The following MEI4 variants were observed in gnomAD, a reference collection of about 807,000 sequenced individuals.
MEI4 encodes the protein meiosis-specific protein MEI4.
Under a neutral mutation model 31.4 loss-of-function variants are expected in MEI4, and 27 were observed. The observed-to-expected ratio is 0.86, with a 90% CI of 0.63 to 1.19. The LOEUF (loss-of-function observed/expected upper bound fraction) is 1.19. Among genes scored for constraint, MEI4 ranks in the 50% most tolerant of loss-of-function variants. MEI4 has a pLI of 0.00. For missense variants in MEI4, 329 were observed against 398.9 expected (o/e 0.82, Z 1.49); for synonymous variants, 122 against 145.4 (o/e 0.84, Z 1.16).
intron 1 of MEI4, among the ~76,000 whole-genome samples, chr6:77,670,585 G>C (rs1017602862): frequency 6.6e-6 from 1 of 152,142 alleles, no homozygotes; most frequent in Non-Finnish European, 1.5e-5. Flanking sequence ...GGAAAGTGCT[G>C]TATGTATCAC....
At chr6:77,917,843 A>G (rs1766599687) in intron 4 of MEI4, among the ~76,000 whole-genome samples, 1 of 148,208 alleles carries the variant, frequency 6.7e-6, no homozygotes, top group African/African-American at 2.5e-5. Context: ...GTCGTTGCCC[A>G]TGCCTATGTC....
intron 4 of MEI4, among the ~76,000 whole-genome samples, chr6:77,838,656 C>G (rs950404750): frequency 1.8e-4 from 27 of 152,114 alleles, no homozygotes; most frequent in Admixed American, 1.4e-3. Flanking sequence ...AATCCCAGCA[C>G]TTTGGGAGGG....
chr6:77,803,420 T>C (rs1769331186), intron 3 of MEI4, among the ~76,000 whole-genome samples: 1 of 152,188 alleles, frequency 6.6e-6, no homozygotes, highest in South Asian at 2.1e-4. Flanking sequence ...GGTTTGAACT[T>C]CCTCCTTTAG....
At chr6:77,915,920 G>A (rs1032808465) in intron 4 of MEI4, among the ~76,000 whole-genome samples, 9 of 151,796 alleles carry the variant, frequency 5.9e-5, no homozygotes, top group Admixed American at 5.3e-4. Flanking sequence ...CTTTATCATG[G>A]TGCCAATGTC....
rs148471843 is a variant in MEI4, at chr6:77,735,003, C to A, written c.233-26127C>A. On this transcript the variant is annotated intron_variant, in intron 2 of 4. Coordinates refer to ENST00000684080, the MANE Select transcript of MEI4 (RefSeq NM_001322247.2). ...CTTGTAGGGTTTCTGCCGAGAGATC[C>A]GCTGTTAGTCTGATGGGCTTCCCCT... Among the ~76,000 whole-genome samples the A allele has an allele frequency of 3.8e-3, 577 of 151,948 alleles. 7 individuals are homozygous for A. The highest frequency in any genetic ancestry group is 0.013 in the African/African-American group (556 of 41,320).
intron 2 of MEI4, among the ~76,000 whole-genome samples, chr6:77,752,068 A>G (rs1424454703): frequency 6.6e-6 from 1 of 152,198 alleles, no homozygotes; most frequent in Non-Finnish European, 1.5e-5. Context: ...AAAATTCAAC[A>G]GCCTTCATGC....
At chr6:77,833,796 C>T (rs777329998) in intron 4 of MEI4, among the ~76,000 whole-genome samples, 12 of 152,258 alleles carry the variant, frequency 7.9e-5, no homozygotes, top group Admixed American at 2.0e-4. Flanking sequence ...TCCCCGCACC[C>T]GCCAACAGGC....
chr6:77,732,658 C>T (rs997698737), intron 2 of MEI4, among the ~76,000 whole-genome samples: 42 of 151,972 alleles, frequency 2.8e-4, no homozygotes, highest in Non-Finnish European at 3.2e-4. Flanking sequence ...AGACTTCCAA[C>T]ACTATGTTGA....
chr6:77,763,898 C>G (rs886618042), intron 3 of MEI4, among the ~76,000 whole-genome samples: 1 of 152,086 alleles, frequency 6.6e-6, no homozygotes, highest in African/African-American at 2.4e-5. Context: ...ACTGCAACCT[C>G]CACTTCCTGG....
intron 2 of MEI4, among the ~76,000 whole-genome samples, chr6:77,749,475 CA>C (rs1267979250): frequency 6.6e-6 from 1 of 151,818 alleles, no homozygotes; most frequent in Admixed American, 6.6e-5. Context: ...GAAGCCTACA[CA>C]AGTATCAATA....
intron 3 of MEI4, among the ~76,000 whole-genome samples, chr6:77,802,353 C>G (rs1248097373): frequency 1.3e-5 from 2 of 152,064 alleles, no homozygotes; most frequent in Non-Finnish European, 2.9e-5. Context: ...TTATTTTGAG[C>G]CTATGTGTGT....
At chr6:77,653,026 C>G (rs1768326921), upstream of MEI4, among the ~76,000 whole-genome samples, 1 of 152,114 alleles carries the variant, frequency 6.6e-6, no homozygotes, top group African/African-American at 2.4e-5. Flanking sequence ...ACCAAGTCAG[C>G]CCTCCCACCC....
At chr6:77,889,040 A>G (rs999723434) in intron 4 of MEI4, among the ~76,000 whole-genome samples, 3 of 152,196 alleles carry the variant, frequency 2.0e-5, no homozygotes, top group African/African-American at 7.2e-5. Context: ...CTGTGAGTCA[A>G]TTAAACTTCT....
chr6:77,714,151 T>C (rs1239525996), intron 2 of MEI4, among the ~76,000 whole-genome samples: 5 of 152,076 alleles, frequency 3.3e-5, no homozygotes, highest in Non-Finnish European at 5.9e-5. Context: ...GGCATTTAGA[T>C]TGATTCTATG....
At chr6:77,769,381 G>A (rs1468366386) in intron 3 of MEI4, among the ~76,000 whole-genome samples, 1 of 152,074 alleles carries the variant, frequency 6.6e-6, no homozygotes, top group Non-Finnish European at 1.5e-5. Context: ...TGCCACCATG[G>A]GCTAAAGTGT....
At chr6:77,813,079 A>G (rs1769611911) in intron 3 of MEI4, among the ~76,000 whole-genome samples, 1 of 152,092 alleles carries the variant, frequency 6.6e-6, no homozygotes, top group African/African-American at 2.4e-5. Context: ...TGGTTGGATA[A>G]AAATCTTATC....
intron 3 of MEI4, among the ~76,000 whole-genome samples, chr6:77,824,332 C>T (rs1337628705): frequency 6.6e-6 from 1 of 152,108 alleles, no homozygotes; most frequent in Non-Finnish European, 1.5e-5. Flanking sequence ...AACTCCTGAC[C>T]TCAGGTGATC....
chr6:77,695,025 A>C (rs1765983434), intron 2 of MEI4, among the ~76,000 whole-genome samples: 1 of 151,956 alleles, frequency 6.6e-6, no homozygotes, highest in Admixed American at 6.6e-5. Flanking sequence ...GATGATGAGC[A>C]TTTTTTCATA....
chr6:77,841,697 ATAAT>A (rs1385121826), intron 4 of MEI4, among the ~76,000 whole-genome samples: 1 of 152,142 alleles, frequency 6.6e-6, no homozygotes, highest in African/African-American at 2.4e-5. Flanking sequence ...TTAACAAAAA[ATAAT>A]TAAAGTGGAA....
Sources: gnomAD v4.1 joint callset for allele counts (sites outside exome capture counted in the v4.1 genomes callset) on GRCh38, gnomAD v4.1.1 for gene constraint, MANE v1.5 for transcripts, NCBI Gene and HGNC (gene_info 2026-07-23, HGNC 2026-07-21) for gene names.